ORC1: variants seen among roughly 807,000 people sequenced by gnomAD.
ORC1 encodes the protein origin recognition complex, subunit 1 homolog.
ORC1 carries 61 observed loss-of-function variants against 98.9 expected under a neutral mutation model. The observed-to-expected ratio is 0.62, with a 90% CI of 0.50 to 0.76. ORC1 has a LOEUF of 0.76. ORC1 is among the 30% of genes least tolerant of loss of function. The pLI is 0.00. For missense variants in ORC1, 979 were observed against 1,072.2 expected (o/e 0.91, Z 1.21); for synonymous variants, 385 against 406.9 (o/e 0.95, Z 0.65).
Position 52,389,370 on chromosome 1 carries a change from G to C in ORC1, c.1083-49C>G, listed in dbSNP as rs750262062. The C allele has an allele frequency of 1.4e-5, 19 of 1,315,808 alleles. No homozygotes were observed. In the Admixed American group the frequency reaches 2.5e-4, roughly 17 times the overall value. 81.5% of individuals were successfully genotyped at this position (1,315,808 alleles called of 1,614,324 possible). On this transcript the variant is annotated intron_variant, in intron 6 of 16. Transcript: ENST00000371568. The stretch of plus-strand genomic sequence containing the variant: ...ACGGGAAGCAGTTTTGGATACCAGA[G>C]TGTACAAAAGGCACTAGAAGATAGT...
At chr1:52,398,801 G>A (rs1250178786) in intron 3 of ORC1, among the ~76,000 whole-genome samples, 2 of 150,426 alleles carry the variant, frequency 1.3e-5, no homozygotes, top group East Asian at 2.0e-4. Flanking sequence ...TAGCCAGGAC[G>A]GTCTCAATCT....
chr1:52,406,354 A>G (rs1447240333), upstream of ORC1, among the ~76,000 whole-genome samples: 1 of 152,056 alleles, frequency 6.6e-6, no homozygotes, highest in Non-Finnish European at 1.5e-5. Context: ...AGTTTTGGTA[A>G]TTTTTCCCTG....
chr1:52,379,794 G>T (rs1457839577), intron 14 of ORC1, among the ~76,000 whole-genome samples: 1 of 151,932 alleles, frequency 6.6e-6, no homozygotes, highest in Non-Finnish European at 1.5e-5. Context: ...TTAGCTGGGT[G>T]TGGTGGTGTG....
At chr1:52,395,826 A>C (rs565642549) in intron 5 of ORC1, among the ~76,000 whole-genome samples, 2 of 152,052 alleles carry the variant, frequency 1.3e-5, no homozygotes, top group Admixed American at 6.5e-5. Context: ...AAAAAACAAA[A>C]ACAAAAAAAC....
At chr1:52,374,066 T>C (rs1308876981) in intron 16 of ORC1, among the ~76,000 whole-genome samples, 2 of 152,136 alleles carry the variant, frequency 1.3e-5, no homozygotes, top group African/African-American at 2.4e-5. Flanking sequence ...CCAAATCAGC[T>C]TGGGGTTCAA....
upstream of ORC1, chr1:52,405,852 T>C (rs555995911): frequency 2.5e-5 from 41 of 1,610,898 alleles, no homozygotes; most frequent in Non-Finnish European, 3.1e-5. Context: ...GAGTGCAATG[T>C]TCACTAGCTA....
At chr1:52,391,755 G>A (rs914831712) in intron 6 of ORC1, among the ~76,000 whole-genome samples, 14 of 151,638 alleles carry the variant, frequency 9.2e-5, no homozygotes, top group African/African-American at 2.7e-4. Context: ...AAAATTAGTC[G>A]GGCGTGGTGG....
rs747825400 is a variant in ORC1, at chr1:52,388,588, C to T, written c.1237G>A (p.Ala413Thr). ...SDQEEKEILP[A>T]AEISDSSSDE... ...CTGCTAGAGTCTGAAATCTCTGCTG[C>T]TGGCAGAATCTCTTTCTCTTCTTGG... is the stretch of plus-strand genomic sequence containing the variant. Residue 413 changes from alanine (A) to threonine (T), a missense_variant, in exon 8 of 17, where the codon GCA becomes ACA. By Grantham distance (58) the Ala-to-Thr change is moderately conservative (BLOSUM62 0). Transcript: ENST00000371568. 3.7e-6 allele frequency: 6 copies of T among 1,614,058 alleles called. No individual in the cohort carries two copies. The South Asian group carries it at 5.5e-5, about 15-fold the overall frequency.
chr1:52,381,068 A>C (rs185587929), intron 14 of ORC1, among the ~76,000 whole-genome samples: 79 of 152,282 alleles, frequency 5.2e-4, no homozygotes, highest in African/African-American at 1.9e-3. Context: ...CTTGAGGCAG[A>C]CATTTAACCC....
At chr1:52,405,562 C>A, upstream of ORC1, 2 of 866,962 alleles carry the variant, frequency 2.3e-6, no homozygotes, top group Non-Finnish European at 3.7e-6. Context: ...AATACACATT[C>A]GTTCTCCTAA....
Position 52,397,879 on chromosome 1 carries a change from T to TG in ORC1, c.224-17dup. On this transcript the variant is annotated splice_polypyrimidine_tract_variant and intron_variant, in intron 3 of 16. Transcript: ENST00000371568. ...GGATCAGAGTCTAGAAAGAATTTGG[T>TG]GGAAAGGGAAAGGTTAAGACAACTC... 6.2e-7 allele frequency: 1 copy of TG among 1,613,390 alleles called. No homozygotes were observed.
chr1:52,386,034 C>A, intron 8 of ORC1, 85 bp from the exon 9 acceptor site: 1 of 997,656 alleles, frequency 1.0e-6, no homozygotes, highest in Admixed American at 2.0e-5. Flanking sequence ...TTGTGCTGAT[C>A]TGATAAAAGG....
intron 4 of ORC1, among the ~76,000 whole-genome samples, 192 bp downstream of exon 4, chr1:52,397,493 G>A (rs1319671700): frequency 1.3e-5 from 2 of 152,152 alleles, no homozygotes; most frequent in African/African-American, 4.8e-5. Flanking sequence ...CTTGTAGGAG[G>A]CTCCTAACAC....
At chr1:52,396,412 A>G in intron 4 of ORC1, 48 bp from the exon 5 acceptor site, 2 of 1,612,126 alleles carry the variant, frequency 1.2e-6, no homozygotes, top group Non-Finnish European at 1.7e-6. Flanking sequence ...GCCCCAAGAG[A>G]GCCAAGGAGT....
intron 8 of ORC1, 106 bp downstream of exon 8, chr1:52,388,336 A>C: frequency 4.3e-6 from 4 of 922,938 alleles, no homozygotes; most frequent in Non-Finnish European, 7.3e-6. Flanking sequence ...AATATAACAG[A>C]TCTGTCCTCA....
intron 14 of ORC1, among the ~76,000 whole-genome samples, chr1:52,380,188 A>C (rs1370810035): frequency 1.3e-5 from 2 of 152,206 alleles, no homozygotes; most frequent in Non-Finnish European, 2.9e-5. Context: ...AGGAGGAAAG[A>C]CAGTGATACT....
At position 52,389,123 on chromosome 1, in the gene ORC1, T is replaced by C; in HGVS notation, c.1187+94A>G. The C allele has an allele frequency of 3.2e-6, 3 of 926,840 alleles. No homozygotes were observed. The East Asian group carries it at 7.2e-5, about 22-fold the overall frequency. The allele number at this position is 926,840 out of a possible 1,614,324, so 57.4% of individuals were successfully genotyped here. ...AGGTAAAAGGTCAATTTCAATGGAT[T>C]GGCAAATAAACAGTATAAGAGGCAT... On this transcript the variant is annotated intron_variant, in intron 7 of 16. Transcript: ENST00000371568.
Position 52,388,482 on chromosome 1 carries a change from T to C in ORC1, c.1343A>G (p.Lys448Arg). The change falls in exon 8 of 17, where the codon AAG (lysine) becomes AGG (arginine). Residue 448 changes from lysine (K) to arginine (R), a missense_variant. By Grantham distance (26) the Lys-to-Arg change is conservative. Coordinates refer to ENST00000371568, the MANE Select transcript of ORC1 (RefSeq NM_004153.4). ...CTTCGTGAGGGTATGTAAGGATGAC[T>C]TCAAGGAAGATCGCAGGTTCCTGGA... ...TVSRNLRSSLKSSLHTLTKVP... is the reference protein window; with the variant it reads ...TVSRNLRSSLRSSLHTLTKVP... The C allele has an allele frequency of 6.2e-7, 1 of 1,614,170 alleles. No individual in the cohort carries two copies. Among genetic ancestry groups the C allele is most frequent in the Non-Finnish European group, 8.5e-7 (1 of 1,180,026 alleles).
intron 12 of ORC1, 58 bp downstream of exon 12, chr1:52,383,772 G>T: frequency 6.9e-7 from 1 of 1,458,994 alleles, no homozygotes; most frequent in Non-Finnish European, 9.6e-7. Flanking sequence ...CTCCCATCCA[G>T]CACTTGCTCC....
Sources: gnomAD v4.1 joint callset for allele counts (sites outside exome capture counted in the v4.1 genomes callset) on GRCh38, gnomAD v4.1.1 for gene constraint, MANE v1.5 for transcripts, NCBI Gene and HGNC (gene_info 2026-07-23, HGNC 2026-07-21) for gene names.